YTHDC1: variants seen among roughly 807,000 people sequenced by gnomAD.
YTHDC1 encodes the protein YTH N6-methyladenosine RNA binding protein C1.
In YTHDC1, 12 loss-of-function variants were observed where a neutral mutation model predicts 107.0. That is an observed-to-expected ratio of 0.11 (90% CI 0.07 to 0.18). YTHDC1 has a LOEUF of 0.18. Among genes scored for constraint, YTHDC1 ranks in the 10% least tolerant of loss-of-function variants. The pLI, the probability that YTHDC1 is intolerant of heterozygous loss-of-function variation, is 1.00. For missense variants in YTHDC1, 635 were observed against 898.8 expected (o/e 0.71, Z 3.75); for synonymous variants, 280 against 289.5 (o/e 0.97, Z 0.33).
chr4:68,343,193 CTTTT>C (rs142723529), intron 1 of YTHDC1, among the ~76,000 whole-genome samples: 3 of 151,094 alleles, frequency 2.0e-5, no homozygotes, highest in Non-Finnish European at 4.4e-5. Context: ...TTAAAAATCA[CTTTT>C]TTTTTAATTT....
At chr4:68,348,913 T>C (rs890292776) in intron 1 of YTHDC1, among the ~76,000 whole-genome samples, 8 of 152,234 alleles carry the variant, frequency 5.3e-5, no homozygotes, top group Admixed American at 3.9e-4. Context: ...AGAGAGACAC[T>C]GATCTAGGAC....
In YTHDC1 at chr4:68,349,749, G is replaced by T. The variant is rs760061027; in HGVS notation, c.5C>A (p.Ala2Glu). Residue 2 changes from alanine to glutamate, a missense_variant, in exon 1 of 17, where the codon GCG becomes GAG. This residue lies in a region of YTHDC1 where 21 missense variants were observed against 21.4 expected (regional missense o/e 0.98). Transcript: ENST00000344157. ...ACCTTTCTCCTCCCGACTGTCAGCC[G>T]CCATGGCTCCCCTTCGGTTTCCGCC... M[A>E]ADSREEKDGE... 1.3e-5 allele frequency: 21 copies of T among 1,613,010 alleles called. No individual in the cohort carries two copies. The South Asian group carries it at 2.3e-4, about 18-fold the overall frequency.
At chr4:68,343,183 T>C (rs543859786) in intron 1 of YTHDC1, among the ~76,000 whole-genome samples, 1 of 152,216 alleles carries the variant, frequency 6.6e-6, no homozygotes, top group African/African-American at 2.4e-5. Context: ...ACTATAGACA[T>C]TAAAAATCAC....
intron 16 of YTHDC1, chr4:68,316,014 G>C (rs1721815589): frequency 4.8e-6 from 1 of 209,216 alleles, no homozygotes; most frequent in Admixed American, 5.8e-5. Flanking sequence ...TAATTACATA[G>C]CATAATTAAG....
At position 68,313,977 on chromosome 4, in the gene YTHDC1, CCTT is replaced by C. The variant is rs1721531405; in HGVS notation, c.*119_*121del. The C allele has an allele frequency of 9.6e-7, 1 of 1,038,620 alleles. No individual in the cohort carries two copies. Among genetic ancestry groups the C allele is most frequent in the African/African-American group, 1.6e-5 (1 of 62,554 alleles). The allele number at this position is 1,038,620 out of a possible 1,614,324, so 64.3% of individuals were successfully genotyped here. Reference sequence around the variant, plus strand: ...TGGAACAAAGGGGGTCATAATAAATCCTTCTACACAATGAACTTCATAGGCAGA... The same window carrying C: ...TGGAACAAAGGGGGTCATAATAAATCCTACACAATGAACTTCATAGGCAGA... On this transcript the variant is annotated 3_prime_UTR_variant, in exon 17 of 17. Transcript: ENST00000344157.
rs1255620832 is a variant in YTHDC1, at chr4:68,313,931, G to C, written c.*168C>G. On this transcript the variant is annotated 3_prime_UTR_variant, in exon 17 of 17. Transcript: ENST00000344157. ...TTTTTGGCGGATTTGAGTTTTTCCA[G>C]TTCTTATGATACTGCATGCTTGGAA... is the stretch of plus-strand genomic sequence containing the variant. The C allele has an allele frequency of 6.7e-6, 5 of 743,964 alleles. No homozygotes were observed. Among genetic ancestry groups the C allele is most frequent in the Non-Finnish European group, 1.1e-5 (5 of 460,244 alleles). 46.1% of individuals were successfully genotyped at this position (743,964 alleles called of 1,614,324 possible).
chr4:68,338,929 G>T (rs1405991655), intron 1 of YTHDC1, among the ~76,000 whole-genome samples: 2 of 152,160 alleles, frequency 1.3e-5, no homozygotes, highest in Non-Finnish European at 2.9e-5. Context: ...GGCATGAAAA[G>T]ATATACTGAG....
chr4:68,331,975 A>G, intron 7 of YTHDC1, 128 bp downstream of exon 7: 1 of 499,756 alleles, frequency 2.0e-6, no homozygotes, highest in Non-Finnish European at 3.4e-6. Flanking sequence ...CTAAGTGGCC[A>G]TTGGAATGTA....
At chr4:68,331,112 T>G (rs1035073595) in intron 7 of YTHDC1, among the ~76,000 whole-genome samples, 1 of 152,160 alleles carries the variant, frequency 6.6e-6, no homozygotes, top group African/African-American at 2.4e-5. Context: ...TATACTCCCA[T>G]ATACTTTAAA....
chr4:68,337,150 C>T lies in YTHDC1; in HGVS notation c.760G>A (p.Glu254Lys). The T allele has an allele frequency of 6.2e-7, 1 of 1,614,004 alleles. No individual in the cohort carries two copies. Among genetic ancestry groups the T allele is most frequent in the Non-Finnish European group, 8.5e-7 (1 of 1,179,962 alleles). Residue 254 changes from glutamate (E) to lysine (K), a missense_variant, in exon 4 of 17, where the codon GAG becomes AAG. By Grantham distance (56) the Glu-to-Lys change is moderately conservative. Transcript: ENST00000344157. ...EEEEEEYEQD[E>K]RDQKEEGNDY... The stretch of plus-strand genomic sequence containing the variant: ...TTTCCCTCCTCTTTCTGGTCTCTCT[C>T]ATCCTGTTCATATTCTTCTTCTTCC...
chr4:68,332,692 C>T (rs1001214703), intron 6 of YTHDC1, 102 bp downstream of exon 6: 17 of 1,021,758 alleles, frequency 1.7e-5, no homozygotes, highest in African/African-American at 9.8e-5. Context: ...TGTAATATAT[C>T]GGAACATTAC....
At chr4:68,339,114 T>G (rs1724539715) in intron 1 of YTHDC1, among the ~76,000 whole-genome samples, 1 of 152,202 alleles carries the variant, frequency 6.6e-6, no homozygotes, top group Non-Finnish European at 1.5e-5. Context: ...GAAAACGACT[T>G]TACAGTGGAG....
intron 9 of YTHDC1, among the ~76,000 whole-genome samples, chr4:68,324,853 T>C (rs933926923): frequency 1.4e-4 from 21 of 152,318 alleles, no homozygotes; most frequent in African/African-American, 4.8e-4. Flanking sequence ...AGTATCTATA[T>C]AATTTAAATA....
chr4:68,330,391 C>T (rs1303124679), intron 7 of YTHDC1, 81 bp from the exon 8 acceptor site: 7 of 957,458 alleles, frequency 7.3e-6, no homozygotes. Context: ...AAAAAAACTA[C>T]ATATTTTGGT....
At chr4:68,338,564 G>A (rs916617446) in intron 1 of YTHDC1, among the ~76,000 whole-genome samples, 180 bp from the exon 2 acceptor site, 2 of 152,334 alleles carry the variant, frequency 1.3e-5, no homozygotes, top group African/African-American at 2.4e-5. Context: ...ACAGGGTAAA[G>A]AATTGGCCAG....
chr4:68,319,655 A>G (rs978466602), intron 12 of YTHDC1, among the ~76,000 whole-genome samples: 3 of 152,148 alleles, frequency 2.0e-5, no homozygotes, highest in African/African-American at 4.8e-5. Flanking sequence ...TCAGTAAGGG[A>G]TAGATTAATT....
At chr4:68,343,621 C>T (rs1052251916) in intron 1 of YTHDC1, among the ~76,000 whole-genome samples, 2 of 150,858 alleles carry the variant, frequency 1.3e-5, no homozygotes, top group East Asian at 1.9e-4. Context: ...CTGCAACCTC[C>T]GCCTCTGAGG....
At chr4:68,317,207 G>A (rs909154320) in intron 15 of YTHDC1, among the ~76,000 whole-genome samples, 8 of 151,984 alleles carry the variant, frequency 5.3e-5, no homozygotes, top group African/African-American at 1.9e-4. Context: ...CTGGGAGACC[G>A]AATGAGACCC....
chr4:68,321,299 CAG>C (rs1722423306), intron 11 of YTHDC1, among the ~76,000 whole-genome samples: 1 of 152,108 alleles, frequency 6.6e-6, no homozygotes, highest in African/African-American at 2.4e-5. Flanking sequence ...AGCCCCCCAA[CAG>C]AATAAAAACA....
Sources: allele counts gnomAD v4.1 joint callset (sites outside exome capture counted in the v4.1 genomes callset), GRCh38; gene constraint gnomAD v4.1.1; regional missense constraint gnomAD v4.1.1; transcripts MANE v1.5; gene names NCBI Gene and HGNC (gene_info 2026-07-23, HGNC 2026-07-21).